ABLIM2: variants seen among roughly 807,000 people sequenced by gnomAD.
ABLIM2 encodes actin-binding LIM protein 2.
Under a neutral mutation model 97.7 loss-of-function variants are expected in ABLIM2, and 53 were observed. That is an observed-to-expected ratio of 0.54 (90% confidence interval 0.44 to 0.68). ABLIM2 has a LOEUF of 0.68. Among genes scored for constraint, ABLIM2 ranks in the 30% least tolerant of loss-of-function variants. The pLI is 0.00. For missense variants in ABLIM2, 835 were observed against 867.2 expected (o/e 0.96, Z 0.47); for synonymous variants, 361 against 345.8 (o/e 1.04, Z -0.49).
rs1164217690 is a variant in ABLIM2, at chr4:8,071,585, G to C, written c.675+6043C>G. 6.6e-6 allele frequency among the ~76,000 whole-genome samples: 1 copy of C among 152,116 alleles called. No homozygotes were observed. Among genetic ancestry groups the C allele is most frequent in the African/African-American group, 2.4e-5 (1 of 41,420 alleles). ...GGAGCCTGGGATGCTCTGTGCTTGG[G>C]TCCTGCAGAGGGAAGCCAGGGGCAC... is the stretch of plus-strand genomic sequence containing the variant. On this transcript the variant is annotated intron_variant, in intron 6 of 20. Coordinates refer to ENST00000447017, the MANE Select transcript of ABLIM2 (RefSeq NM_001130083.2). The surrounding 1 kb of genome is among the most constrained non-coding windows in gnomAD (Gnocchi z 6.2).
rs1352276425 is a variant in ABLIM2 at position 7,992,037 on chromosome 4, G to A, written c.1680+829C>T. Among the ~76,000 whole-genome samples, 3 of 152,200 alleles carry A rather than the reference G, an allele frequency of 2.0e-5. No individual in the cohort carries two copies. Among genetic ancestry groups the A allele is most frequent in the Non-Finnish European group, 2.9e-5 (2 of 68,036 alleles). The stretch of plus-strand genomic sequence containing the variant: ...ATTTATGAACAAATTTCCAGACTGG[G>A]ACGAGGCTGCCTTGCGCAATGGGGA... On this transcript the variant is annotated intron_variant, in intron 17 of 20. Transcript: ENST00000447017. The surrounding 1 kb of genome is among the most constrained non-coding windows in gnomAD (Gnocchi z 5.7).
intron 1 of ABLIM2, among the ~76,000 whole-genome samples, chr4:8,116,570 T>C (rs1441426357): frequency 6.6e-6 from 1 of 152,232 alleles, no homozygotes; most frequent in African/African-American, 2.4e-5. Flanking sequence ...TCCATCTATG[T>C]TGCACATCCG....
At chr4:8,158,124 G>C (rs1033857927) in intron 1 of ABLIM2, among the ~76,000 whole-genome samples, 2 of 152,330 alleles carry the variant, frequency 1.3e-5, no homozygotes, top group Non-Finnish European at 2.9e-5. Flanking sequence ...CTGGAGACGC[G>C]CAGAGATCGG....
chr4:7,970,871 C>T lies in ABLIM2; in HGVS notation c.1825-3768G>A, dbSNP rs568322573. ...CGAGCATGTGGGCTGGGCCAGGCCA[C>T]TCGTATGTGGCCTACAGGGCCCAGG... On this transcript the variant is annotated intron_variant, in intron 20 of 20. Coordinates refer to ENST00000447017, the MANE Select transcript of ABLIM2 (RefSeq NM_001130083.2). This position sits in a 1 kb window ranked among gnomAD's most constrained non-coding sequence, Gnocchi z 5.3. Among the ~76,000 whole-genome samples the T allele has an allele frequency of 2.2e-4, 33 of 152,102 alleles. 1 individual carries two copies. The South Asian group carries it at 5.6e-3, about 26-fold the overall frequency.
chr4:7,973,075 CTGTGTGTGTGTGTGTGTG>C (rs71175444), intron 20 of ABLIM2, among the ~76,000 whole-genome samples: 2 of 123,976 alleles, frequency 1.6e-5, no homozygotes, highest in African/African-American at 3.1e-5. Context: ...GCTCCCCTTG[CTGTGTGTGTGTGTGTGTG>C]TGTGTGTGTG....
At chr4:8,050,465 G>A (rs1245455496) in intron 8 of ABLIM2, among the ~76,000 whole-genome samples, 1 of 152,158 alleles carries the variant, frequency 6.6e-6, no homozygotes, top group Non-Finnish European at 1.5e-5. Flanking sequence ...GGCAGGGATG[G>A]ACTGGCTCCT....
At chr4:8,099,287 C>T (rs2152688082) in intron 2 of ABLIM2, among the ~76,000 whole-genome samples, 1 of 152,376 alleles carries the variant, frequency 6.6e-6, no homozygotes, top group East Asian at 1.9e-4. Context: ...TGCCCCAAGA[C>T]AGTAGCTGGA....
At chr4:8,049,815 G>T (rs538542011) in intron 8 of ABLIM2, among the ~76,000 whole-genome samples, 1 of 152,108 alleles carries the variant, frequency 6.6e-6, no homozygotes, top group African/African-American at 2.4e-5. Context: ...TGCAACCTCT[G>T]CCTCCCGTCT....
chr4:8,121,484 G>A (rs1330892864), intron 1 of ABLIM2, among the ~76,000 whole-genome samples: 13 of 152,318 alleles, frequency 8.5e-5, no homozygotes, highest in African/African-American at 1.4e-4. Context: ...CTCATGGGAG[G>A]TGTCCCGGAG....
intron 14 of ABLIM2, among the ~76,000 whole-genome samples, chr4:8,016,901 C>T (rs941476908): frequency 2.1e-4 from 32 of 152,222 alleles, no homozygotes; most frequent in African/African-American, 5.1e-4. Flanking sequence ...TCCCTTTACC[C>T]TCTCCTCTTC....
chr4:8,108,078 C>T (rs1838355449), intron 1 of ABLIM2, among the ~76,000 whole-genome samples: 1 of 152,248 alleles, frequency 6.6e-6, no homozygotes, highest in African/African-American at 2.4e-5. Context: ...GCACCGTGAC[C>T]TCTGGAACTG....
chr4:8,131,275 C>CA (rs909348982), intron 1 of ABLIM2, among the ~76,000 whole-genome samples: 28 of 152,334 alleles, frequency 1.8e-4, no homozygotes, highest in African/African-American at 6.3e-4. Flanking sequence ...AAATGGCGAA[C>CA]AAAAAATTCA....
At chr4:8,020,166 G>T in intron 13 of ABLIM2, 36 bp downstream of exon 13, 11 of 1,588,436 alleles carry the variant, frequency 6.9e-6, no homozygotes, top group Non-Finnish European at 9.4e-6. Context: ...GACAGTTTCA[G>T]TGTAAGGAGC....
At chr4:8,034,940 A>T (rs183468675) in intron 10 of ABLIM2, among the ~76,000 whole-genome samples, 3 of 25,606 alleles carry the variant, frequency 1.2e-4, no homozygotes, top group African/African-American at 4.9e-4. Flanking sequence ...GTGGGTGCGG[A>T]TGGGTGGTGG....
intron 10 of ABLIM2, 128 bp from the exon 11 acceptor site, chr4:8,029,904 G>C: frequency 7.7e-7 from 1 of 1,291,172 alleles, no homozygotes; most frequent in Non-Finnish European, 1.1e-6. Flanking sequence ...ATGGCCCCAT[G>C]TGGGAATCTC....
Position 8,125,867 on chromosome 4 carries a change from G to A in ABLIM2, c.11-19230C>T, listed in dbSNP as rs974642251. On this transcript the variant is annotated intron_variant, in intron 1 of 20. Transcript: ENST00000447017. This position sits in a 1 kb window ranked among gnomAD's most constrained non-coding sequence, Gnocchi z 6.2. ...AGCTCGTCCTCCTGGGCAGGAGGGCGAACTCACACTCGGCTGTGCGTGGGC... is the reference window on the plus strand; with the variant it reads ...AGCTCGTCCTCCTGGGCAGGAGGGCAAACTCACACTCGGCTGTGCGTGGGC... Among the ~76,000 whole-genome samples the A allele has an allele frequency of 2.6e-5, 4 of 152,208 alleles. No individual in the cohort carries two copies. Among genetic ancestry groups the A allele is most frequent in the East Asian group, 3.8e-4 (2 of 5,196 alleles).
chr4:8,014,184 C>T (rs548508090), intron 14 of ABLIM2, among the ~76,000 whole-genome samples: 104 of 152,348 alleles, frequency 6.8e-4, no homozygotes, highest in African/African-American at 2.2e-3. Context: ...GAGCCAGGAC[C>T]GGCACCCCGG....
At chr4:7,976,379 A>G (rs1560351755) in intron 20 of ABLIM2, among the ~76,000 whole-genome samples, 1 of 152,162 alleles carries the variant, frequency 6.6e-6, no homozygotes, top group Non-Finnish European at 1.5e-5. Flanking sequence ...TGGCCCTGAA[A>G]CAGTCTCCCT....
intron 1 of ABLIM2, among the ~76,000 whole-genome samples, chr4:8,114,961 G>A (rs1578157051): frequency 1.3e-5 from 2 of 152,140 alleles, no homozygotes; most frequent in Non-Finnish European, 1.5e-5. Context: ...GCCCTGGAAC[G>A]CCCACCAGGA....
Sources: allele counts gnomAD v4.1 joint callset (sites outside exome capture counted in the v4.1 genomes callset), GRCh38; gene constraint gnomAD v4.1.1; non-coding constraint Gnocchi (gnomAD v3.1); transcripts MANE v1.5; gene names NCBI Gene and HGNC (gene_info 2026-07-23, HGNC 2026-07-21).